LRBA: variants seen among roughly 807,000 people sequenced by gnomAD.
The protein encoded by LRBA is LPS responsive beige-like anchor protein, also known as lipopolysaccharide-responsive and beige-like anchor protein.
A neutral mutation model predicts 330.0 loss-of-function variants in LRBA; 176 were observed. That is an observed-to-expected ratio of 0.53 (90% CI 0.47 to 0.60). The LOEUF (loss-of-function observed/expected upper bound fraction) is 0.60, where lower values mean the gene tolerates loss of function less well. LRBA is among the 20% of genes least tolerant of loss of function. The pLI is 0.00. For synonymous variants in LRBA, 1,230 were observed against 1,193.0 expected, an observed-to-expected ratio of 1.03 and a Z score of -0.64; for missense variants, 3,259 against 3,444.8, an observed-to-expected ratio of 0.95 and a Z score of 1.35.
At chr4:150,839,725 C>A (rs992557387) in intron 28 of LRBA, among the ~76,000 whole-genome samples, 13 of 151,982 alleles carry the variant, frequency 8.6e-5, no homozygotes, top group Admixed American at 8.5e-4. Flanking sequence ...CATCACACAC[C>A]AGGGCCTGTC....
At chr4:150,286,889 C>T (rs931899499) in intron 53 of LRBA, among the ~76,000 whole-genome samples, 5 of 152,138 alleles carry the variant, frequency 3.3e-5, no homozygotes, top group African/African-American at 7.2e-5. Flanking sequence ...TGGATGGGTT[C>T]GTGCCAAGCC....
At chr4:150,434,298 G>A (rs1187239827) in intron 46 of LRBA, among the ~76,000 whole-genome samples, 1 of 152,092 alleles carries the variant, frequency 6.6e-6, no homozygotes, top group Non-Finnish European at 1.5e-5. Flanking sequence ...TATTTCTGTA[G>A]GTAGAAGCAA....
chr4:150,417,143 G>T (rs1362853225), intron 46 of LRBA, among the ~76,000 whole-genome samples: 1 of 151,930 alleles, frequency 6.6e-6, no homozygotes, highest in African/African-American at 2.4e-5. Context: ...AAAAGGAAAA[G>T]AAACTCTAAA....
intron 33 of LRBA, among the ~76,000 whole-genome samples, chr4:150,805,448 GA>G (rs1742545128): frequency 1.5e-5 from 1 of 67,936 alleles, no homozygotes; most frequent in African/African-American, 1.1e-4. Context: ...GAAGGAAAGG[GA>G]AAGGAAAGGA....
At chr4:150,816,172 T>C (rs1399384065) in intron 31 of LRBA, among the ~76,000 whole-genome samples, 1 of 151,970 alleles carries the variant, frequency 6.6e-6, no homozygotes, top group Non-Finnish European at 1.5e-5. Context: ...AGGCAAACCC[T>C]GGCCTGAGAT....
At chr4:150,384,347 T>C (rs183388793) in intron 47 of LRBA, among the ~76,000 whole-genome samples, 77 of 152,270 alleles carry the variant, frequency 5.1e-4, no homozygotes, top group African/African-American at 1.8e-3. Flanking sequence ...CCAGTGTGTA[T>C]TTTTTACATC....
At chr4:150,288,060 C>G (rs556602722) in intron 53 of LRBA, among the ~76,000 whole-genome samples, 3 of 150,942 alleles carry the variant, frequency 2.0e-5, no homozygotes, top group Non-Finnish European at 2.9e-5. Flanking sequence ...GGTGCGATCT[C>G]GACTCACTGC....
intron 2 of LRBA, among the ~76,000 whole-genome samples, chr4:150,944,383 T>C (rs1736013925): frequency 6.6e-6 from 1 of 152,206 alleles, no homozygotes; most frequent in Admixed American, 6.5e-5. Context: ...GCACTTTACA[T>C]AAGCACTTTA....
Position 150,410,505 on chromosome 4 carries a change from G to A in LRBA, c.7194+4933C>T, listed in dbSNP as rs180780255. ...TGTGTCACCATTATGAAATAGTAGA[G>A]GAGACAAAAGCTATAGAACATACAC... On this transcript the variant is annotated intron_variant, in intron 47 of 56. Coordinates refer to ENST00000651943, the MANE Select transcript of LRBA (RefSeq NM_001364905.1). Among the ~76,000 whole-genome samples, 112 of 152,128 alleles carry A rather than the reference G, an allele frequency of 7.4e-4. 2 individuals carry two copies. The East Asian group carries it at 0.021, about 29-fold the overall frequency.
intron 13 of LRBA, 52 bp from the exon 14 acceptor site, chr4:150,900,269 T>C: frequency 7.4e-7 from 1 of 1,351,392 alleles, no homozygotes; most frequent in Non-Finnish European, 1.0e-6. Context: ...TTTTATCTGT[T>C]TCCAGTAACA....
At chr4:150,338,250 T>G (rs1281627675) in intron 48 of LRBA, among the ~76,000 whole-genome samples, 2 of 152,096 alleles carry the variant, frequency 1.3e-5, no homozygotes, top group Non-Finnish European at 2.9e-5. Flanking sequence ...ATATCACGGC[T>G]CTCCCCTCTC....
rs566917747 is a variant in LRBA at position 150,277,870 on chromosome 4, C to A, written c.8451G>T (p.Ala2817=). 1.9e-6 allele frequency: 3 copies of A among 1,614,060 alleles called. No homozygotes were observed. Among genetic ancestry groups the A allele is most frequent in the Admixed American group, 3.3e-5 (2 of 60,028 alleles). The change falls in exon 56 of 57, where the codon GCG becomes GCT. Residue 2817 remains alanine (A), a synonymous_variant. Coordinates refer to ENST00000651943, the MANE Select transcript of LRBA (RefSeq NM_001364905.1). ...AGTGTTACCTCTGGTCGTAAGACAG[C>A]GCCATGGCCCGGATTCCAGCGTCAC... ...PGCDAGIRAM[A]LSYDQRCIIS... is the part of the protein sequence containing the mutation.
chr4:150,347,944 G>GTTGT (rs1736618872), intron 48 of LRBA, among the ~76,000 whole-genome samples: 1 of 140,268 alleles, frequency 7.1e-6, no homozygotes, highest in Non-Finnish European at 1.6e-5. Flanking sequence ...GCTGTACAAT[G>GTTGT]CTGTAGCCTC....
intron 36 of LRBA, among the ~76,000 whole-genome samples, chr4:150,687,727 C>T (rs555885480): frequency 6.6e-6 from 1 of 152,024 alleles, no homozygotes; most frequent in Non-Finnish European, 1.5e-5. Flanking sequence ...TGAATAGAGA[C>T]AATATTTAAT....
intron 42 of LRBA, 144 bp downstream of exon 42, chr4:150,487,588 T>A (rs113272772): frequency 2.3e-6 from 1 of 428,462 alleles, no homozygotes. Flanking sequence ...TTATTTACTA[T>A]GAAACATAAA....
chr4:150,783,864 G>A (rs1738624989), intron 34 of LRBA, among the ~76,000 whole-genome samples: 1 of 152,168 alleles, frequency 6.6e-6, no homozygotes, highest in Non-Finnish European at 1.5e-5. Context: ...CAGCTATTAA[G>A]AGGCCTTGAA....
chr4:150,610,567 C>T (rs367720184), intron 37 of LRBA, among the ~76,000 whole-genome samples: 56 of 152,020 alleles, frequency 3.7e-4, no homozygotes, highest in Admixed American at 7.2e-4. Context: ...CCAGCCTGGG[C>T]GACAGGGTGA....
chr4:150,451,878 A>G (rs529986716), intron 44 of LRBA, among the ~76,000 whole-genome samples: 1 of 152,174 alleles, frequency 6.6e-6, no homozygotes, highest in Non-Finnish European at 1.5e-5. Context: ...CTCATTAACA[A>G]AAAGATAACC....
intron 40 of LRBA, chr4:150,578,959 T>C: frequency 3.5e-6 from 1 of 282,372 alleles, no homozygotes; most frequent in South Asian, 3.6e-5. Flanking sequence ...TAAAATGTCC[T>C]GCAGCCTCCC....
Sources: allele counts gnomAD v4.1 joint callset (sites outside exome capture counted in the v4.1 genomes callset), GRCh38; gene constraint gnomAD v4.1.1; transcripts MANE v1.5; gene names NCBI Gene and HGNC (gene_info 2026-07-23, HGNC 2026-07-21).